Variants in PRKN observed in about 807,000 individuals in gnomAD.
The protein encoded by PRKN is parkin RBR E3 ubiquitin protein ligase.
A neutral mutation model predicts 59.5 loss-of-function variants in PRKN; 56 were observed. That is an observed-to-expected ratio of 0.94 (90% CI 0.76 to 1.18). PRKN has a LOEUF of 1.18. PRKN is among the 50% of genes most tolerant of loss of function. The pLI is 0.00. For missense variants in PRKN, 657 were observed against 596.4 expected, an observed-to-expected ratio of 1.10 and a Z score of -1.06; for synonymous variants, 250 against 222.1, an observed-to-expected ratio of 1.13 and a Z score of -1.12.
intron 6 of PRKN, among the ~76,000 whole-genome samples, chr6:161,854,856 G>A (rs1177219734): frequency 6.6e-6 from 1 of 151,988 alleles, no homozygotes; most frequent in African/African-American, 2.4e-5. Flanking sequence ...AGGCCGAGGC[G>A]GGTGGATCAT....
At chr6:162,090,197 G>A (rs912240917) in intron 4 of PRKN, among the ~76,000 whole-genome samples, 129 of 152,068 alleles carry the variant, frequency 8.5e-4, no homozygotes, top group African/African-American at 3.1e-3. Context: ...ATCATTATAA[G>A]GAAGGATGTA....
At chr6:162,239,013 C>A (rs1234047608) in intron 3 of PRKN, among the ~76,000 whole-genome samples, 2 of 152,140 alleles carry the variant, frequency 1.3e-5, no homozygotes, top group Non-Finnish European at 2.9e-5. Flanking sequence ...ATGAAGCGCA[C>A]AAGTATCCAA....
chr6:161,841,115 A>G (rs955522723), intron 6 of PRKN, among the ~76,000 whole-genome samples: 10 of 152,222 alleles, frequency 6.6e-5, no homozygotes, highest in African/African-American at 2.4e-4. Context: ...AGACACATGC[A>G]TATGTTTGTT....
intron 6 of PRKN, among the ~76,000 whole-genome samples, chr6:161,946,978 G>A (rs1779807422): frequency 6.6e-6 from 1 of 152,132 alleles, no homozygotes; most frequent in Non-Finnish European, 1.5e-5. Flanking sequence ...CACTTCTGTA[G>A]ATCTCATTTT....
chr6:162,555,629 A>C (rs1008305289), intron 1 of PRKN, among the ~76,000 whole-genome samples: 5 of 98,960 alleles, frequency 5.1e-5, no homozygotes, highest in Non-Finnish European at 1.1e-4. Context: ...CTGTGTGAAA[A>C]AAATACAAAA....
At chr6:161,877,116 CAG>C (rs1794759312) in intron 6 of PRKN, among the ~76,000 whole-genome samples, 1 of 152,164 alleles carries the variant, frequency 6.6e-6, no homozygotes, top group African/African-American at 2.4e-5. Flanking sequence ...CCCTCTTGCA[CAG>C]AGACTCTTTT....
chr6:162,166,047 C>CAAAAAAAAAAAAAAAA (rs10557222), intron 4 of PRKN, among the ~76,000 whole-genome samples: 4 of 80,240 alleles, frequency 5.0e-5, no homozygotes, highest in African/African-American at 2.0e-4. Context: ...GACTCTATCT[C>CAAAAAAAAAAAAAAAA]AAAAAAAAAA....
intron 6 of PRKN, among the ~76,000 whole-genome samples, chr6:161,816,183 G>T (rs1442809816): frequency 6.6e-6 from 1 of 152,110 alleles, no homozygotes; most frequent in Non-Finnish European, 1.5e-5. Context: ...AACGAGGAGG[G>T]AGCTGGGACA....
intron 6 of PRKN, among the ~76,000 whole-genome samples, chr6:161,930,113 G>C (rs28608044): frequency 1.2e-4 from 18 of 152,148 alleles, no homozygotes; most frequent in African/African-American, 4.1e-4. Context: ...GACAGCCTGG[G>C]TTCCAGTCCC....
intron 1 of PRKN, among the ~76,000 whole-genome samples, chr6:162,517,341 G>A (rs1274165497): frequency 1.7e-4 from 26 of 151,046 alleles, no homozygotes; most frequent in African/African-American, 5.1e-4. Flanking sequence ...TCTGTCTCCC[G>A]GGTTCAAGCC....
chr6:161,602,920 A>C (rs1782157731), intron 7 of PRKN, among the ~76,000 whole-genome samples: 1 of 152,222 alleles, frequency 6.6e-6, no homozygotes, highest in Non-Finnish European at 1.5e-5. Flanking sequence ...AAGTACAGTA[A>C]GAGGCAGACT....
chr6:162,499,228 C>A (rs1383756996), intron 1 of PRKN, among the ~76,000 whole-genome samples: 2 of 152,104 alleles, frequency 1.3e-5, no homozygotes, highest in African/African-American at 4.8e-5. Flanking sequence ...CTTGTCTCTG[C>A]AAGGAATAGT....
chr6:161,601,207 T>G (rs899216274), intron 7 of PRKN, among the ~76,000 whole-genome samples: 1 of 152,198 alleles, frequency 6.6e-6, no homozygotes, highest in Admixed American at 6.5e-5. Flanking sequence ...TACCATAAAC[T>G]GGGTAGCTTA....
rs754659298 is a variant in PRKN at position 162,201,227 on chromosome 6, A to G, written c.438T>C (p.Phe146=). The change falls in exon 4 of 12, where the codon TTT becomes TTC. Residue 146 remains phenylalanine, a synonymous_variant. Coordinates refer to ENST00000366898, the MANE Select transcript of PRKN (RefSeq NM_004562.3). ...GACAGGGGCCTTTGCAATACACATA[A>G]AAGCTGTTGTAGATTGATCTACCTG... is the stretch of plus-strand genomic sequence containing the variant. ...SPAGRSIYNS[F]YVYCKGPCQR... is the part of the protein sequence containing the mutation. 2.5e-6 allele frequency: 4 copies of G among 1,613,944 alleles called. No individual in the cohort carries two copies. The East Asian group carries it at 8.9e-5, about 36-fold the overall frequency.
At chr6:162,295,293 A>T (rs1050389196) in intron 2 of PRKN, among the ~76,000 whole-genome samples, 1 of 152,202 alleles carries the variant, frequency 6.6e-6, no homozygotes, top group Non-Finnish European at 1.5e-5. Context: ...ATAATGAATC[A>T]GTTCAGTTGT....
intron 1 of PRKN, among the ~76,000 whole-genome samples, chr6:162,719,359 G>A (rs1238944360): frequency 6.6e-6 from 1 of 151,884 alleles, no homozygotes. Flanking sequence ...TCACACTCTG[G>A]GAACTCACCA....
intron 1 of PRKN, among the ~76,000 whole-genome samples, chr6:162,668,930 C>T (rs891408219): frequency 2.0e-5 from 3 of 152,108 alleles, no homozygotes; most frequent in South Asian, 2.1e-4. Flanking sequence ...GTGGTGGTAA[C>T]GATGTATCTT....
In PRKN at chr6:161,825,177, T is replaced by C. The variant is rs1013181722; in HGVS notation, c.735-39269A>G. Reference sequence around the variant, plus strand: ...TAAAAGTCATATGCCAAGAGGCATATGACCAAAAATCATAGGAAAAAGAGT... The same window carrying C: ...TAAAAGTCATATGCCAAGAGGCATACGACCAAAAATCATAGGAAAAAGAGT... On this transcript the variant is annotated intron_variant, in intron 6 of 11. Transcript: ENST00000366898. 2.0e-5 allele frequency among the ~76,000 whole-genome samples: 3 copies of C among 152,158 alleles called. No homozygotes were observed. The South Asian group carries it at 6.2e-4, about 32-fold the overall frequency.
At chr6:161,695,961 A>G (rs986163356) in intron 7 of PRKN, among the ~76,000 whole-genome samples, 2 of 152,214 alleles carry the variant, frequency 1.3e-5, no homozygotes, top group African/African-American at 4.8e-5. Context: ...GAGGCTGAAG[A>G]AGTGTTTAAA....
Sources: allele counts gnomAD v4.1 joint callset (sites outside exome capture counted in the v4.1 genomes callset), GRCh38; gene constraint gnomAD v4.1.1; transcripts MANE v1.5; gene names NCBI Gene and HGNC (gene_info 2026-07-23, HGNC 2026-07-21).